SLC8A1: variants seen among roughly 807,000 people sequenced by gnomAD.
The protein encoded by SLC8A1 is solute carrier family 8 member A1.
In SLC8A1, 18 loss-of-function variants were observed where a neutral mutation model predicts 68.3. The ratio of observed to expected loss-of-function variants is 0.26; its 90% CI spans 0.18 to 0.39. The LOEUF (loss-of-function observed/expected upper bound fraction) is 0.39, where lower values mean the gene tolerates loss of function less well. Among genes scored for constraint, SLC8A1 ranks in the 10% least tolerant of loss-of-function variants. The pLI is 1.00. For synonymous variants in SLC8A1, 475 were observed against 415.5 expected, an observed-to-expected ratio of 1.14 and a Z score of -1.74; for missense variants, 985 against 1,156.7, an observed-to-expected ratio of 0.85 and a Z score of 2.15.
chr2:40,381,519 C>G (rs142379188), intron 2 of SLC8A1, among the ~76,000 whole-genome samples: 1 of 152,062 alleles, frequency 6.6e-6, no homozygotes, highest in Non-Finnish European at 1.5e-5. Context: ...TTTTATTCAT[C>G]TCACAGAATT....
At chr2:40,210,338 T>A (rs2056356552) in intron 2 of SLC8A1, among the ~76,000 whole-genome samples, 1 of 152,194 alleles carries the variant, frequency 6.6e-6, no homozygotes, top group Non-Finnish European at 1.5e-5. Context: ...GGATTTTCAC[T>A]GAACTCATAG....
At chr2:40,408,301 T>A (rs1286440464) in intron 2 of SLC8A1, among the ~76,000 whole-genome samples, 2 of 152,214 alleles carry the variant, frequency 1.3e-5, no homozygotes, top group African/African-American at 4.8e-5. Flanking sequence ...GATACACAGT[T>A]ACTCAAATAA....
chr2:40,330,889 C>A (rs2076338379), intron 2 of SLC8A1, among the ~76,000 whole-genome samples: 1 of 152,182 alleles, frequency 6.6e-6, no homozygotes, highest in Non-Finnish European at 1.5e-5. Flanking sequence ...CTTGTAACTA[C>A]AGATAAATAT....
Position 40,113,746 on chromosome 2 carries a change from G to A in SLC8A1, c.*1507C>T, listed in dbSNP as rs117013885. ...TTTGCAGGGAGGGGTGTTGTGGAAA[G>A]GGTGGCTCTGAAAGCCTAGGCACAT... On this transcript the variant is annotated 3_prime_UTR_variant, in exon 8 of 8. Transcript: ENST00000406785. The A allele has an allele frequency of 4.8e-3, 738 of 152,896 alleles. 14 individuals are homozygous for A. The highest frequency in any genetic ancestry group is 0.033 in the East Asian group (177 of 5,322). The allele number at this position is 152,896 out of a possible 1,614,324, so 9.5% of individuals were successfully genotyped here.
At chr2:40,284,576 C>A (rs1208186216) in intron 2 of SLC8A1, among the ~76,000 whole-genome samples, 1 of 145,370 alleles carries the variant, frequency 6.9e-6, no homozygotes, top group Non-Finnish European at 1.5e-5. Context: ...TGTTATATAT[C>A]TATATATAGA....
intron 2 of SLC8A1, among the ~76,000 whole-genome samples, chr2:40,375,049 A>G (rs910748195): frequency 6.6e-6 from 1 of 152,012 alleles, no homozygotes; most frequent in African/African-American, 2.4e-5. Context: ...AATGAATTTA[A>G]TCAGTCGGGA....
At chr2:40,134,713 C>T (rs188854361) in intron 7 of SLC8A1, among the ~76,000 whole-genome samples, 45 of 152,260 alleles carry the variant, frequency 3.0e-4, no homozygotes, top group African/African-American at 1.0e-3. Flanking sequence ...TCTGATTGAA[C>T]CAACTTGTAC....
chr2:40,351,124 A>G (rs761274889), intron 2 of SLC8A1, among the ~76,000 whole-genome samples: 1 of 152,196 alleles, frequency 6.6e-6, no homozygotes, highest in Non-Finnish European at 1.5e-5. Flanking sequence ...GGGATCACCC[A>G]TCATACTTTG....
At chr2:40,199,274 C>T (rs1406731811) in intron 2 of SLC8A1, among the ~76,000 whole-genome samples, 1 of 151,764 alleles carries the variant, frequency 6.6e-6, no homozygotes, top group African/African-American at 2.4e-5. Flanking sequence ...GGACACTGCT[C>T]ACCTTGTGAG....
At chr2:40,128,307 T>C (rs2038580507) in intron 7 of SLC8A1, among the ~76,000 whole-genome samples, 1 of 152,246 alleles carries the variant, frequency 6.6e-6, no homozygotes. Flanking sequence ...GAAGTTTTGC[T>C]TTCTTATAGC....
chr2:40,389,026 GTA>G (rs1467430405), intron 2 of SLC8A1, among the ~76,000 whole-genome samples: 2 of 151,962 alleles, frequency 1.3e-5, no homozygotes, highest in East Asian at 3.9e-4. Context: ...AAATACATAC[GTA>G]TATATGTGTG....
Position 40,340,075 on chromosome 2 carries a change from C to T in SLC8A1, c.1808+88398G>A, listed in dbSNP as rs548913914. Among the ~76,000 whole-genome samples the T allele has an allele frequency of 2.0e-5, 3 of 152,276 alleles. No homozygotes were observed. In the South Asian group the frequency reaches 6.2e-4, roughly 32 times the overall value. On this transcript the variant is annotated intron_variant, in intron 2 of 7. Coordinates refer to ENST00000406785, the Ensembl canonical transcript of SLC8A1. ...ATGCAAAAAAACCAAAAACTTCCAA[C>T]GGTCATTGTAGCTCATATCCTCATT...
chr2:40,140,423 C>A (rs1243041301), intron 6 of SLC8A1, among the ~76,000 whole-genome samples: 1 of 152,176 alleles, frequency 6.6e-6, no homozygotes, highest in Non-Finnish European at 1.5e-5. Context: ...CCCCCAAACC[C>A]ATGCTGGGAA....
chr2:40,228,380 G>A (rs1466315129), intron 2 of SLC8A1, among the ~76,000 whole-genome samples: 1 of 152,206 alleles, frequency 6.6e-6, no homozygotes, highest in South Asian at 2.1e-4. Flanking sequence ...ATGGCTACAT[G>A]ATGTGGAAAA....
intron 2 of SLC8A1, among the ~76,000 whole-genome samples, chr2:40,246,419 T>C (rs1257855860): frequency 6.6e-6 from 1 of 152,236 alleles, no homozygotes; most frequent in East Asian, 1.9e-4. Flanking sequence ...TTACTTGGTA[T>C]GGTTCACTGT....
intron 2 of SLC8A1, among the ~76,000 whole-genome samples, chr2:40,405,826 T>C (rs927370668): frequency 1.3e-5 from 2 of 152,218 alleles, no homozygotes; most frequent in African/African-American, 2.4e-5. Flanking sequence ...CTGTAAATTA[T>C]TCTGATGGTA....
intron 2 of SLC8A1, among the ~76,000 whole-genome samples, chr2:40,309,653 G>A (rs1053833207): frequency 1.3e-5 from 2 of 151,756 alleles, no homozygotes; most frequent in African/African-American, 4.8e-5. Context: ...CTACAGGTGT[G>A]TGCCACCATG....
At chr2:40,150,517 CTG>C (rs1558533626) in intron 6 of SLC8A1, among the ~76,000 whole-genome samples, 2 of 152,192 alleles carry the variant, frequency 1.3e-5, no homozygotes, top group African/African-American at 4.8e-5. Context: ...ACAACTAAAA[CTG>C]TATTCACATT....
At chr2:40,506,639 C>A (rs898464516) in intron 1 of SLC8A1, among the ~76,000 whole-genome samples, 1 of 151,780 alleles carries the variant, frequency 6.6e-6, no homozygotes, top group Admixed American at 6.6e-5. Flanking sequence ...CTATCAGGGT[C>A]TATAGATTTA....
Sources: allele counts gnomAD v4.1 joint callset (sites outside exome capture counted in the v4.1 genomes callset), GRCh38; gene constraint gnomAD v4.1.1; transcripts MANE v1.5; gene names NCBI Gene and HGNC (gene_info 2026-07-23, HGNC 2026-07-21).